PARP10: variants seen among roughly 807,000 people sequenced by gnomAD.
PARP10 encodes protein mono-ADP-ribosyltransferase PARP10.
PARP10 carries 56 observed loss-of-function variants against 82.4 expected under a neutral mutation model. That is an observed-to-expected ratio of 0.68 (90% CI 0.55 to 0.85). The LOEUF is 0.85. Ranked by LOEUF, PARP10 falls within the 40% of genes least tolerant of loss-of-function variation. PARP10 has a pLI of 0.00. For missense variants in PARP10, 1,227 were observed against 1,379.4 expected, an observed-to-expected ratio of 0.89 and a Z score of 1.75; for synonymous variants, 576 against 601.1, an observed-to-expected ratio of 0.96 and a Z score of 0.61.
chr8:143,988,622 C>T (rs553106756), upstream of PARP10, among the ~76,000 whole-genome samples: 2 of 151,876 alleles, frequency 1.3e-5, no homozygotes, highest in South Asian at 2.1e-4. Context: ...CACACCACCA[C>T]GCCCAGCTAA....
intron 1 of PARP10, among the ~76,000 whole-genome samples, chr8:144,005,011 T>C (rs1554751965): frequency 2.0e-5 from 3 of 151,982 alleles, no homozygotes; most frequent in African/African-American, 7.3e-5. Context: ...AAACCCCATC[T>C]CTTTTAAAAA....
chr8:144,012,253 A>C (rs1236956668), intron 1 of PARP10, among the ~76,000 whole-genome samples: 1 of 152,222 alleles, frequency 6.6e-6, no homozygotes, highest in Non-Finnish European at 1.5e-5. Context: ...ATGAGGGTGA[A>C]GTTGGCGAGA....
upstream of PARP10, among the ~76,000 whole-genome samples, chr8:143,987,996 G>A (rs1325843559): frequency 4.6e-5 from 7 of 150,934 alleles, no homozygotes; most frequent in Non-Finnish European, 7.4e-5. Flanking sequence ...TGCACACCCT[G>A]ATGCTCAGAG....
At chr8:144,000,372 A>G (rs1469263474) in intron 1 of PARP10, among the ~76,000 whole-genome samples, 3 of 152,206 alleles carry the variant, frequency 2.0e-5, no homozygotes, top group African/African-American at 7.2e-5. Flanking sequence ...CAAGGAAGGA[A>G]CTACCAGAAG....
At position 144,011,562 on chromosome 8, in the gene PARP10, C is replaced by T. The variant is rs1025556165; in HGVS notation, c.-80+968G>A. On this transcript the variant is annotated intron_variant, in intron 1 of 3. Transcript: ENST00000530478. This position sits in a 1 kb window ranked among gnomAD's most constrained non-coding sequence, Gnocchi z 4.5. ...ACAGCCACAGAGCCAATGGAGGCCA[C>T]GAGGACACGGCCTCACTCAGTACTC... Among the ~76,000 whole-genome samples the T allele has an allele frequency of 1.2e-4, 19 of 152,128 alleles. No homozygotes were observed. The highest frequency in any genetic ancestry group is 1.0e-3 in the Admixed American group (16 of 15,266).
chr8:143,991,685 T>C, upstream of PARP10: 1 of 1,608,094 alleles, frequency 6.2e-7, no homozygotes, highest in South Asian at 1.1e-5. Flanking sequence ...GCCTGTCTGC[T>C]TCTCAGCACC....
In PARP10 at chr8:144,008,426, G is replaced by A. The variant is rs190688629; in HGVS notation, c.-80+4104C>T. ...TGAAATGCTGAGCGGAATCAAATGA[G>A]GCAAATTTGAATGGGGACAAACTGT... is the stretch of plus-strand genomic sequence containing the variant. On this transcript the variant is annotated intron_variant, in intron 1 of 3. Transcript: ENST00000530478. This position sits in a 1 kb window ranked among gnomAD's most constrained non-coding sequence, Gnocchi z 4.0. Among the ~76,000 whole-genome samples, 3 of 152,234 alleles carry A rather than the reference G, an allele frequency of 2.0e-5. No individual in the cohort carries two copies. The highest frequency in any genetic ancestry group is 4.8e-5 in the African/African-American group (2 of 41,450).
At chr8:143,981,466 GTGGTGGTGA>G (rs1833858976) in intron 9 of PARP10, among the ~76,000 whole-genome samples, 1 of 88,208 alleles carries the variant, frequency 1.1e-5, no homozygotes, top group Admixed American at 1.1e-4. Flanking sequence ...AGTGGTGAAG[GTGGTGGTGA>G]TGATGGTGGT....
At position 143,983,235 on chromosome 8, in the gene PARP10, A is replaced by G. The variant is rs782091911; in HGVS notation, c.2354T>C (p.Leu785Ser). Reference sequence around the variant, plus strand: ...CCAGGGGCCAGCCAGAAGTGCCACCAAGTGGCGGGCAGCACGGGCAGGGTG... The same window carrying G: ...CCAGGGGCCAGCCAGAAGTGCCACCGAGTGGCGGGCAGCACGGGCAGGGTG... ...GAHPARAARH[L>S]VALLAGPWDQ... Residue 785 changes from leucine (L) to serine (S), a missense_variant, in exon 8 of 11, where the codon TTG becomes TCG. Transcript: ENST00000313028. The G allele has an allele frequency of 6.2e-7, 1 of 1,613,566 alleles. No individual in the cohort carries two copies. Among genetic ancestry groups the G allele is most frequent in the Non-Finnish European group, 8.5e-7 (1 of 1,179,948 alleles).
chr8:143,995,473 G>A (rs1193532328), upstream of PARP10, among the ~76,000 whole-genome samples: 2 of 152,212 alleles, frequency 1.3e-5, no homozygotes, highest in African/African-American at 2.4e-5. Flanking sequence ...AGTGAAATGA[G>A]TCCGAGTACG....
upstream of PARP10, among the ~76,000 whole-genome samples, chr8:143,987,357 T>C (rs1834008466): frequency 6.6e-6 from 1 of 152,068 alleles, no homozygotes; most frequent in Non-Finnish European, 1.5e-5. Flanking sequence ...CCCCTGCTGT[T>C]CCTCCCTCCA....
At chr8:143,998,268 G>A (rs565574067) in intron 1 of PARP10, among the ~76,000 whole-genome samples, 2 of 152,232 alleles carry the variant, frequency 1.3e-5, no homozygotes, top group East Asian at 3.9e-4. Context: ...GATCACTGGC[G>A]AGACCCCAGG....
intron 1 of PARP10, among the ~76,000 whole-genome samples, chr8:144,004,637 A>C (rs188622321): frequency 1.3e-5 from 2 of 152,206 alleles, no homozygotes; most frequent in Non-Finnish European, 2.9e-5. Context: ...GAGATTCCTG[A>C]TGAAAATTCC....
At chr8:144,010,519 T>C (rs1834268541) in intron 1 of PARP10, among the ~76,000 whole-genome samples, 1 of 152,196 alleles carries the variant, frequency 6.6e-6, no homozygotes, top group Non-Finnish European at 1.5e-5. Flanking sequence ...AGGTAGGAAT[T>C]CTATGCTACA....
chr8:143,977,475 C>T lies in PARP10; in HGVS notation c.*9G>A, dbSNP rs1554746426. ...TGGGAAGCAGGAGGCCAGAGGGTGG[C>T]CCCTTCGGTTAAGTGTCTGGGGAGC... is the stretch of plus-strand genomic sequence containing the variant. On this transcript the variant is annotated 3_prime_UTR_variant, in exon 11 of 11. Coordinates refer to ENST00000313028, the MANE Select transcript of PARP10 (RefSeq NM_032789.5). The T allele has an allele frequency of 4.6e-6, 7 of 1,534,654 alleles. No individual in the cohort carries two copies. Among genetic ancestry groups the T allele is most frequent in the Non-Finnish European group, 6.2e-6 (7 of 1,138,198 alleles).
chr8:143,977,882 C>T, intron 10 of PARP10, 25 bp downstream of exon 10: 1 of 1,598,756 alleles, frequency 6.3e-7, no homozygotes, highest in Non-Finnish European at 8.5e-7. Flanking sequence ...GCAGAGCCCC[C>T]GCCCCTGCCC....
At chr8:144,010,701 C>G (rs1417620511) in intron 1 of PARP10, among the ~76,000 whole-genome samples, 1 of 151,910 alleles carries the variant, frequency 6.6e-6, no homozygotes, top group African/African-American at 2.4e-5. Flanking sequence ...GTGGTAAGAC[C>G]CCATGTCTAC....
chr8:143,985,128 T>C lies in PARP10; in HGVS notation c.874A>G (p.Thr292Ala), dbSNP rs782096122. The C allele has an allele frequency of 1.9e-6, 3 of 1,613,908 alleles. No individual in the cohort carries two copies. Among genetic ancestry groups the C allele is most frequent in the South Asian group, 1.1e-5 (1 of 91,072 alleles). ...TCCTCGCCAGAGCCCATTGTCACAG[T>C]CCCTGCACCCTGCAGAGCCGTCACC... ...GLVTALQGAG[T>A]VTMGSGEEPG... is the part of the protein sequence containing the mutation. The change falls in exon 5 of 11, where the codon ACT (threonine) becomes GCT (alanine). Residue 292 changes from threonine to alanine, a missense_variant. Transcript: ENST00000313028.
chr8:143,985,743 C>T lies in PARP10; in HGVS notation c.414G>A (p.Leu138=). 2.5e-6 allele frequency: 4 copies of T among 1,607,878 alleles called. No homozygotes were observed. The highest frequency in any genetic ancestry group is 3.4e-6 in the Non-Finnish European group (4 of 1,176,770). The stretch of plus-strand genomic sequence containing the variant: ...CACCTGCCTCAGAAAGGGGCTTGGG[C>T]AACTGGACCAGAGCCCGGTCTGGCC... ...SPRPDRALVQ[L]PKPLSEADVR... is the part of the protein sequence containing the mutation. Residue 138 remains leucine (L), a synonymous_variant, in exon 3 of 11, where the codon TTG becomes TTA. Transcript: ENST00000313028.
Sources: allele counts gnomAD v4.1 joint callset (sites outside exome capture counted in the v4.1 genomes callset), GRCh38; gene constraint gnomAD v4.1.1; non-coding constraint Gnocchi (gnomAD v3.1); transcripts MANE v1.5; gene names NCBI Gene and HGNC (gene_info 2026-07-23, HGNC 2026-07-21).